Variants in RNF13 observed in about 807,000 individuals in gnomAD.
The protein encoded by RNF13 is ring finger protein 13.
In RNF13, 19 loss-of-function variants were observed where a neutral mutation model predicts 37.7. That is an observed-to-expected ratio of 0.50 (90% CI 0.35 to 0.74). The LOEUF (loss-of-function observed/expected upper bound fraction) is 0.74, where lower values mean the gene tolerates loss of function less well. Among genes scored for constraint, RNF13 ranks in the 30% least tolerant of loss-of-function variants. The pLI is 0.01. For synonymous variants in RNF13, 144 were observed against 157.8 expected (o/e 0.91, Z 0.65); for missense variants, 375 against 453.0 (o/e 0.83, Z 1.56).
intron 5 of RNF13, among the ~76,000 whole-genome samples, chr3:149,897,940 C>T (rs1559936735): frequency 6.6e-6 from 1 of 152,192 alleles, no homozygotes; most frequent in Admixed American, 6.5e-5. Context: ...GAGCCAATAA[C>T]ATTCTTTATC....
At chr3:149,912,262 A>T (rs760203841) in intron 7 of RNF13, among the ~76,000 whole-genome samples, 179 bp downstream of exon 7, 1 of 152,146 alleles carries the variant, frequency 6.6e-6, no homozygotes, top group South Asian at 2.1e-4. Context: ...AAGAATGGTG[A>T]TTTCCTCTGC....
chr3:149,875,229 A>C (rs1712549245), intron 4 of RNF13, among the ~76,000 whole-genome samples: 1 of 152,162 alleles, frequency 6.6e-6, no homozygotes, highest in Non-Finnish European at 1.5e-5. Flanking sequence ...GTGACATACA[A>C]ATTATCTCAG....
chr3:149,902,256 A>G (rs1454427249), intron 6 of RNF13, 94 bp downstream of exon 6: 1 of 619,424 alleles, frequency 1.6e-6, no homozygotes, highest in Admixed American at 3.5e-5. Context: ...ATGTTTCAGA[A>G]TGAACTCTGT....
chr3:149,885,570 A>T (rs145113750), intron 4 of RNF13, among the ~76,000 whole-genome samples: 97 of 152,208 alleles, frequency 6.4e-4, no homozygotes, highest in African/African-American at 2.1e-3. Flanking sequence ...CCATTTATTA[A>T]TTGGATTATC....
chr3:149,866,399 T>C (rs1256199662), intron 3 of RNF13, among the ~76,000 whole-genome samples: 4 of 152,194 alleles, frequency 2.6e-5, no homozygotes, highest in Non-Finnish European at 2.9e-5. Context: ...ATTTGTAAAG[T>C]GTCATGGCGC....
intron 4 of RNF13, among the ~76,000 whole-genome samples, chr3:149,886,961 A>T (rs1456500309): frequency 6.6e-6 from 1 of 152,078 alleles, no homozygotes; most frequent in Admixed American, 6.5e-5. Flanking sequence ...ATATTTGTGA[A>T]TTTCCCAAAT....
chr3:149,835,667 T>TTTGTGTGTG (rs1553751537), intron 1 of RNF13, among the ~76,000 whole-genome samples: 13 of 87,996 alleles, frequency 1.5e-4, no homozygotes, highest in African/African-American at 3.9e-4. Context: ...GTGTGTGTGT[T>TTTGTGTGTG]TGTGTGTGTG....
chr3:149,908,678 A>G (rs1237720234), intron 6 of RNF13, among the ~76,000 whole-genome samples: 1 of 152,188 alleles, frequency 6.6e-6, no homozygotes, highest in Non-Finnish European at 1.5e-5. Flanking sequence ...GTTGGGCTGA[A>G]TACAGGTTAT....
At chr3:149,870,241 T>A (rs1711864102) in intron 3 of RNF13, among the ~76,000 whole-genome samples, 1 of 151,718 alleles carries the variant, frequency 6.6e-6, no homozygotes, top group Non-Finnish European at 1.5e-5. Flanking sequence ...GTCTTACTTT[T>A]CCAGTGTAGA....
chr3:149,856,024 C>T (rs1209333469), intron 3 of RNF13, among the ~76,000 whole-genome samples: 1 of 151,638 alleles, frequency 6.6e-6, no homozygotes, highest in African/African-American at 2.4e-5. Flanking sequence ...TCTCGATAAG[C>T]ATAATCTTAT....
chr3:149,846,052 T>C lies in RNF13; in HGVS notation c.26T>C (p.Met9Thr). 1 of 1,611,986 alleles carries C rather than the reference T, an allele frequency of 6.2e-7. No homozygotes were observed. Residue 9 changes from methionine to threonine, a missense_variant, in exon 2 of 10, where the codon ATG (methionine) becomes ACG (threonine). Transcript: ENST00000392894. ...ATGCTGCTCTCCATAGGGATGCTCATGCTGTCAGCCACACAAGTCTACACC... is the reference window on the plus strand; with the variant it reads ...ATGCTGCTCTCCATAGGGATGCTCACGCTGTCAGCCACACAAGTCTACACC... MLLSIGMLMLSATQVYTIL... is the reference protein window; with the variant it reads MLLSIGMLTLSATQVYTIL...
At chr3:149,887,569 G>A (rs1714192768) in intron 4 of RNF13, among the ~76,000 whole-genome samples, 1 of 152,158 alleles carries the variant, frequency 6.6e-6, no homozygotes, top group East Asian at 1.9e-4. Context: ...CAAAGTGCTG[G>A]GATTACAGGC....
At chr3:149,945,985 C>G (rs894467859) in intron 8 of RNF13, among the ~76,000 whole-genome samples, 3 of 152,156 alleles carry the variant, frequency 2.0e-5, no homozygotes, top group Non-Finnish European at 4.4e-5. Context: ...AGCAGAAAAG[C>G]TGAAAATTCT....
chr3:149,849,267 A>G (rs1576759360), intron 2 of RNF13, among the ~76,000 whole-genome samples: 1 of 152,228 alleles, frequency 6.6e-6, no homozygotes, highest in African/African-American at 2.4e-5. Flanking sequence ...AGTAACATCC[A>G]TCTTATATGA....
chr3:149,877,647 A>G (rs1712899869), intron 4 of RNF13, among the ~76,000 whole-genome samples: 1 of 152,084 alleles, frequency 6.6e-6, no homozygotes, highest in Admixed American at 6.5e-5. Context: ...AAGCAAGTAG[A>G]TACGACCTTA....
At chr3:149,823,165 A>G (rs917832932) in intron 1 of RNF13, among the ~76,000 whole-genome samples, 1 of 152,112 alleles carries the variant, frequency 6.6e-6, no homozygotes, top group Admixed American at 6.5e-5. Context: ...AAATAAGAGG[A>G]AATATTTATA....
chr3:149,903,972 T>TGTCC (rs1319655375), intron 6 of RNF13, among the ~76,000 whole-genome samples: 1 of 151,462 alleles, frequency 6.6e-6, no homozygotes, highest in Non-Finnish European at 1.5e-5. Flanking sequence ...TCTGTCTGTC[T>TGTCC]ATCTATCTAC....
intron 7 of RNF13, among the ~76,000 whole-genome samples, chr3:149,915,455 C>A (rs1263392913): frequency 6.6e-6 from 1 of 152,124 alleles, no homozygotes; most frequent in Non-Finnish European, 1.5e-5. Flanking sequence ...AGTATGGCAA[C>A]TCCTCAAAAA....
chr3:149,941,708 T>C (rs971892571), intron 8 of RNF13, among the ~76,000 whole-genome samples: 2 of 151,698 alleles, frequency 1.3e-5, no homozygotes, highest in African/African-American at 4.8e-5. Flanking sequence ...CATTTGTCTA[T>C]TTTTTTCTTT....
Sources: allele counts gnomAD v4.1 joint callset (sites outside exome capture counted in the v4.1 genomes callset), GRCh38; gene constraint gnomAD v4.1.1; transcripts MANE v1.5; gene names NCBI Gene and HGNC (gene_info 2026-07-23, HGNC 2026-07-21).